Variants in PPIE observed in about 807,000 individuals in gnomAD.
PPIE encodes peptidylprolyl isomerase E, also known as peptidyl-prolyl cis-trans isomerase E.
PPIE carries 20 observed loss-of-function variants against 38.4 expected under a neutral mutation model. The observed-to-expected ratio is 0.52, with a 90% CI of 0.37 to 0.76. The LOEUF (loss-of-function observed/expected upper bound fraction) is 0.76, where lower values mean the gene tolerates loss of function less well. PPIE is among the 30% of genes least tolerant of loss of function. The pLI is 0.00. For missense variants in PPIE, 322 were observed against 385.8 expected (o/e 0.83, Z 1.39); for synonymous variants, 142 against 135.7 (o/e 1.05, Z -0.32).
downstream of PPIE, among the ~76,000 whole-genome samples, chr1:39,760,784 A>G (rs547875401): frequency 3.3e-5 from 5 of 152,162 alleles, no homozygotes; most frequent in Admixed American, 6.5e-5. Context: ...GGAGGGACAC[A>G]TGGCAGGGGG....
intron 8 of PPIE, 48 bp from the exon 9 acceptor site, chr1:39,752,862 G>C (rs868131268): frequency 1.3e-6 from 2 of 1,586,908 alleles, no homozygotes; most frequent in Middle Eastern, 1.7e-4. Context: ...CGTCCTTTAA[G>C]GGCTGGTAGC....
chr1:39,758,023 C>A (rs575089114), downstream of PPIE: 2 of 152,266 alleles, frequency 1.3e-5, no homozygotes, highest in South Asian at 4.1e-4. Context: ...AAGGTGTACT[C>A]CATATCTACA....
rs985209575 is a variant in PPIE at position 39,754,728 on chromosome 1, C to T, written c.*1373C>T. ...GAAAAAAAAGCCAGGTATGGTAGTG[C>T]ACACCTATAGTCCCAGCTACTCAGA... On this transcript the variant is annotated 3_prime_UTR_variant, in exon 10 of 10. Coordinates refer to ENST00000324379, the MANE Select transcript of PPIE (RefSeq NM_006112.4). Among the ~76,000 whole-genome samples the T allele has an allele frequency of 1.3e-5, 2 of 152,122 alleles. No individual in the cohort carries two copies. Among genetic ancestry groups the T allele is most frequent in the African/African-American group, 4.8e-5 (2 of 41,428 alleles).
chr1:39,752,781 A>G lies in PPIE; in HGVS notation c.695-129A>G, dbSNP rs1285747959. On this transcript the variant is annotated intron_variant, in intron 8 of 9. Transcript: ENST00000324379. Reference sequence around the variant, plus strand: ...ACTGAATCCAAGATAAGGTGGCCGCATTTGCATGTGATCTGTGCATCCCCG... The same window carrying G: ...ACTGAATCCAAGATAAGGTGGCCGCGTTTGCATGTGATCTGTGCATCCCCG... The G allele has an allele frequency of 6.4e-6, 7 of 1,090,300 alleles. No homozygotes were observed. In the East Asian group the frequency reaches 1.7e-4, roughly 27 times the overall value. The allele number at this position is 1,090,300 out of a possible 1,614,324, so 67.5% of individuals were successfully genotyped here. A position where few individuals can be genotyped will look rare whatever the true frequency, so the allele number is the denominator to read the frequency against.
At position 39,741,912 on chromosome 1, in the gene PPIE, C is replaced by G. The variant is rs138799550; in HGVS notation, c.192C>G (p.Ile64Met). The change falls in exon 4 of 10, where the codon ATC becomes ATG. Residue 64 changes from isoleucine (I) to methionine (M), a missense_variant. Physicochemically the swap from Ile to Met is conservative, Grantham distance 10. Transcript: ENST00000324379. ...FELAEDAAAA[I>M]DNMNESELFG... is the part of the protein sequence containing the mutation. ...CTTGGCAGGATGCTGCAGCAGCTAT[C>G]GACAACATGGTATGGCTGGGAATCT... The G allele has an allele frequency of 5.6e-6, 9 of 1,614,070 alleles. No individual in the cohort carries two copies. The highest frequency in any genetic ancestry group is 1.7e-5 in the Admixed American group (1 of 60,014).
downstream of PPIE, chr1:39,760,688 C>G: frequency 7.7e-7 from 1 of 1,294,188 alleles, no homozygotes; most frequent in Non-Finnish European, 1.0e-6. Flanking sequence ...CACATGGGAG[C>G]AGCACAATAA....
chr1:39,760,679 A>T (rs550987307), downstream of PPIE: 9 of 1,334,044 alleles, frequency 6.7e-6, no homozygotes, highest in Admixed American at 9.4e-5. Context: ...TCTCCAGGCC[A>T]CATGGGAGCA....
In PPIE at chr1:39,754,979, T is replaced by C; in HGVS notation, c.*1624T>C. ...ATCACAGTCCCAAGGCCTAAAATAC[T>C]TACTATCTGAGCCTTTACAAAACAG... is the stretch of plus-strand genomic sequence containing the variant. On this transcript the variant is annotated 3_prime_UTR_variant, in exon 10 of 10. Transcript: ENST00000324379. 2 of 983,234 alleles carry C rather than the reference T, an allele frequency of 2.0e-6. No homozygotes were observed. The highest frequency in any genetic ancestry group is 2.4e-6 in the Non-Finnish European group (2 of 827,948). 60.9% of individuals were successfully genotyped at this position (983,234 alleles called of 1,614,324 possible). A position where few individuals can be genotyped will look rare whatever the true frequency, so the allele number is the denominator to read the frequency against.
intron 6 of PPIE, among the ~76,000 whole-genome samples, chr1:39,744,741 C>T (rs577643897): frequency 3.7e-4 from 57 of 152,330 alleles, no homozygotes; most frequent in African/African-American, 1.3e-3. Context: ...CACATTGACC[C>T]ACGCCAGAAA....
At chr1:39,739,239 T>G (rs555802836) in intron 1 of PPIE, 1 of 346,216 alleles carries the variant, frequency 2.9e-6, no homozygotes, top group South Asian at 1.4e-4. Context: ...TTCACACCTT[T>G]GGGCCTCTGC....
At chr1:39,749,987 G>T (rs71642698) in intron 8 of PPIE, among the ~76,000 whole-genome samples, 2 of 152,090 alleles carry the variant, frequency 1.3e-5, no homozygotes, top group Non-Finnish European at 2.9e-5. Context: ...TATAAAATTA[G>T]CCGGGCGTGG....
In PPIE at chr1:39,754,018, T is replaced by A. The variant is rs1648028674; in HGVS notation, c.*663T>A. 1.0e-6 allele frequency: 1 copy of A among 985,434 alleles called. No homozygotes were observed. The highest frequency in any genetic ancestry group is 1.2e-6 in the Non-Finnish European group (1 of 829,916). The allele number at this position is 985,434 out of a possible 1,614,324, so 61.0% of individuals were successfully genotyped here. On this transcript the variant is annotated 3_prime_UTR_variant, in exon 10 of 10. Coordinates refer to ENST00000324379, the MANE Select transcript of PPIE (RefSeq NM_006112.4). The stretch of plus-strand genomic sequence containing the variant: ...TTGTTCACTTTCACCCTACAGATTT[T>A]AAAAAATGAAATTTTTATAACTCAA...
intron 7 of PPIE, chr1:39,747,590 G>C (rs1647280606): frequency 6.6e-6 from 1 of 151,172 alleles, no homozygotes; most frequent in South Asian, 2.1e-4. Flanking sequence ...AGCCTCCCGA[G>C]TAGCTGGGAT....
Position 39,755,508 on chromosome 1 carries a change from C to T in PPIE, c.*2153C>T. 1.0e-6 allele frequency: 1 copy of T among 985,442 alleles called. No homozygotes were observed. Among genetic ancestry groups the T allele is most frequent in the Non-Finnish European group, 1.2e-6 (1 of 829,938 alleles). 61.0% of individuals were successfully genotyped at this position (985,442 alleles called of 1,614,324 possible). A position where few individuals can be genotyped will look rare whatever the true frequency, so the allele number is the denominator to read the frequency against. On this transcript the variant is annotated 3_prime_UTR_variant, in exon 10 of 10. Coordinates refer to ENST00000324379, the MANE Select transcript of PPIE (RefSeq NM_006112.4). ...CCTCCCTCAAAGCACAGCCCCTTCT[C>T]TGAGTGCAAATAATGGCCATCAGAG... is the stretch of plus-strand genomic sequence containing the variant.
chr1:39,742,105 G>A (rs1569636770), intron 4 of PPIE, 184 bp downstream of exon 4: 4 of 603,260 alleles, frequency 6.6e-6, no homozygotes, highest in South Asian at 6.3e-5. Context: ...AGACTCCTTC[G>A]CCATTTCAGA....
downstream of PPIE, chr1:39,760,279 G>C: frequency 1.5e-6 from 2 of 1,349,870 alleles, no homozygotes; most frequent in Non-Finnish European, 2.0e-6. Flanking sequence ...GCATGAAGGA[G>C]AAAGGGTCAT....
At chr1:39,742,053 T>C in intron 4 of PPIE, 132 bp downstream of exon 4, 1 of 881,854 alleles carries the variant, frequency 1.1e-6, no homozygotes, top group South Asian at 1.6e-5. Flanking sequence ...CACATGAAAA[T>C]ATTCACTGTG....
intron 9 of PPIE, chr1:39,763,593 A>G (rs1649342142): frequency 5.0e-6 from 7 of 1,390,894 alleles, no homozygotes; most frequent in Non-Finnish European, 5.8e-6. Context: ...TGGAAAACAC[A>G]GAAGAAAAAA....
intron 9 of PPIE, chr1:39,762,455 C>A (rs1649122604): frequency 6.7e-7 from 1 of 1,492,348 alleles, no homozygotes; most frequent in Admixed American, 2.5e-5. Flanking sequence ...CACAAACACA[C>A]AGAGCACTCA....
Sources: gnomAD v4.1 joint callset for allele counts (sites outside exome capture counted in the v4.1 genomes callset) on GRCh38, gnomAD v4.1.1 for gene constraint, MANE v1.5 for transcripts, NCBI Gene and HGNC (gene_info 2026-07-23, HGNC 2026-07-21) for gene names.